MORC2: variants seen among roughly 807,000 people sequenced by gnomAD.
The protein encoded by MORC2 is ATPase MORC2.
Under a neutral mutation model 136.0 loss-of-function variants are expected in MORC2, and 30 were observed. The ratio of observed to expected loss-of-function variants is 0.22; its 90% CI spans 0.17 to 0.30. MORC2 has a LOEUF of 0.30. Among genes scored for constraint, MORC2 ranks in the 10% least tolerant of loss-of-function variants. The pLI is 1.00. For synonymous variants in MORC2, 439 were observed against 487.0 expected (o/e 0.90, Z 1.30); for missense variants, 922 against 1,333.1 (o/e 0.69, Z 4.80).
intron 12 of MORC2, among the ~76,000 whole-genome samples, chr22:30,938,553 A>G (rs2040692277): frequency 6.6e-6 from 1 of 152,144 alleles, no homozygotes; most frequent in South Asian, 2.1e-4. Flanking sequence ...CCAAAATTCC[A>G]CTAGTATGAT....
At chr22:30,946,625 C>T (rs1383949703) in intron 5 of MORC2, among the ~76,000 whole-genome samples, 176 bp from the exon 6 acceptor site, 1 of 151,788 alleles carries the variant, frequency 6.6e-6, no homozygotes, top group Non-Finnish European at 1.5e-5. Context: ...CTCCATCCCC[C>T]AACACTCCTT....
rs2040730034 is a variant in MORC2 at position 30,940,676 on chromosome 22, T to G, written c.904+82A>C. 4 of 1,280,538 alleles carry G rather than the reference T, an allele frequency of 3.1e-6. No homozygotes were observed. In the Admixed American group the frequency reaches 6.7e-5, roughly 22 times the overall value. 79.3% of individuals were successfully genotyped at this position (1,280,538 alleles called of 1,614,324 possible). A position where few individuals can be genotyped will look rare whatever the true frequency, so the allele number is the denominator to read the frequency against. ...TTGTCCCTGAGTTGTGGACTCAGCC[T>G]TTTCCTGGAACCCCACTTTGCCCAC... is the stretch of plus-strand genomic sequence containing the variant. On this transcript the variant is annotated intron_variant, in intron 10 of 25. Coordinates refer to ENST00000397641, the MANE Select transcript of MORC2 (RefSeq NM_001303256.3).
chr22:30,928,493 T>C (rs1282573790), intron 24 of MORC2, among the ~76,000 whole-genome samples: 3 of 152,182 alleles, frequency 2.0e-5, no homozygotes, highest in African/African-American at 7.2e-5. Flanking sequence ...GGGCGATTCT[T>C]ACCATTCCAA....
chr22:30,950,337 G>GGGGGGGGGGGCC, intron 4 of MORC2, 40 bp downstream of exon 4: 1 of 761,768 alleles, frequency 1.3e-6, no homozygotes, highest in Non-Finnish European at 2.3e-6. Flanking sequence ...TGGTTACATC[G>GGGGGGGGGGGCC]CACCCCCCCA....
chr22:30,935,088 G>T lies in MORC2; in HGVS notation c.1886C>A (p.Pro629His), dbSNP rs745722246. 6.2e-7 allele frequency: 1 copy of T among 1,613,856 alleles called. No homozygotes were observed. The highest frequency in any genetic ancestry group is 1.3e-5 in the African/African-American group (1 of 74,954). Residue 629 changes from proline to histidine, a missense_variant, in exon 19 of 26, where the codon CCC becomes CAC. This residue lies in a region of MORC2 where 184 missense variants were observed against 180.3 expected (regional missense o/e 1.02). Transcript: ENST00000397641. The part of the protein sequence containing the change: ...PAVIRNAPSR[P>H]PSLPTPRPAS... ...TGGTCTAGGAGTTGGCAAAGAAGGG[G>T]GTCTGCTGGGGGCGTTCCTGATCAC...
Position 30,967,915 on chromosome 22 carries a change from C to T in MORC2, c.-26G>A, listed in dbSNP as rs2041153615. ...GACTGCAATAAGGTCTCCAGCCCTT[C>T]ACCCGCTAACTGGGAAATATAACCT... On this transcript the variant is annotated 5_prime_UTR_variant, in exon 1 of 26. Coordinates refer to ENST00000397641, the MANE Select transcript of MORC2 (RefSeq NM_001303256.3). The T allele has an allele frequency of 2.7e-5, 40 of 1,481,018 alleles. No homozygotes were observed. The highest frequency in any genetic ancestry group is 3.7e-5 in the Non-Finnish European group (40 of 1,083,448). 91.7% of individuals were successfully genotyped at this position (1,481,018 alleles called of 1,614,324 possible). A position where few individuals can be genotyped will look rare whatever the true frequency, so the allele number is the denominator to read the frequency against.
At chr22:30,944,217 G>GA (rs1196605708) in intron 6 of MORC2, among the ~76,000 whole-genome samples, 2 of 152,054 alleles carry the variant, frequency 1.3e-5, no homozygotes, top group African/African-American at 4.8e-5. Context: ...ACCAAGTAAG[G>GA]AAAAAATCTC....
rs776235856 is a variant in MORC2, at chr22:30,934,312, G to A, written c.2194-121C>T. 1.2e-5 allele frequency: 17 copies of A among 1,397,576 alleles called. No homozygotes were observed. The highest frequency in any genetic ancestry group is 1.5e-5 in the Non-Finnish European group (16 of 1,035,816). 86.6% of individuals were successfully genotyped at this position (1,397,576 alleles called of 1,614,324 possible). A position where few individuals can be genotyped will look rare whatever the true frequency, so the allele number is the denominator to read the frequency against. ...GCTGTACTCCCTGCAATCCCTGCCTGACATTACTTGGAATGTACACAGGCA... is the reference window on the plus strand; with the variant it reads ...GCTGTACTCCCTGCAATCCCTGCCTAACATTACTTGGAATGTACACAGGCA... On this transcript the variant is annotated intron_variant, in intron 19 of 25. Transcript: ENST00000397641. This position sits in a 1 kb window ranked among gnomAD's most constrained non-coding sequence, Gnocchi z 4.4.
intron 6 of MORC2, among the ~76,000 whole-genome samples, chr22:30,945,545 G>A (rs925288143): frequency 6.6e-6 from 1 of 152,206 alleles, no homozygotes; most frequent in Non-Finnish European, 1.5e-5. Context: ...TAGGAAAGGA[G>A]ATAAGAGTCC....
Position 30,949,751 on chromosome 22 carries a change from C to T in MORC2, c.317+1G>A. 1 of 1,613,444 alleles carries T rather than the reference C, an allele frequency of 6.2e-7. No individual in the cohort carries two copies. The highest frequency in any genetic ancestry group is 8.5e-7 in the Non-Finnish European group (1 of 1,179,396). On this transcript the variant is annotated splice_donor_variant, in intron 5 of 25. Coordinates refer to ENST00000397641, the MANE Select transcript of MORC2 (RefSeq NM_001303256.3). LOFTEE classifies it high-confidence loss of function. The stretch of plus-strand genomic sequence containing the variant: ...CTGTGACAAGCTTCTAATATACCTA[C>T]GATTTTAACCCATTCCCGTACTGCC...
At chr22:30,949,291 G>C (rs2147283526) in intron 5 of MORC2, among the ~76,000 whole-genome samples, 1 of 152,254 alleles carries the variant, frequency 6.6e-6, no homozygotes, top group East Asian at 1.9e-4. Flanking sequence ...AGCATCCTCT[G>C]GGACGGAGGG....
intron 1 of MORC2, among the ~76,000 whole-genome samples, chr22:30,960,540 G>A (rs887692202): frequency 1.3e-5 from 2 of 152,036 alleles, no homozygotes; most frequent in African/African-American, 4.8e-5. Flanking sequence ...CCAGGCTGGA[G>A]TGCAATGGCG....
At chr22:30,967,024 T>G (rs2041138523) in intron 1 of MORC2, 1 of 902,350 alleles carries the variant, frequency 1.1e-6, no homozygotes, top group Non-Finnish European at 1.3e-6. Context: ...TTCATGTAGC[T>G]GCTCATCTCC....
At chr22:30,940,614 C>G (rs2040728826) in intron 10 of MORC2, 144 bp downstream of exon 10, 3 of 712,132 alleles carry the variant, frequency 4.2e-6, no homozygotes, top group Non-Finnish European at 7.6e-6. Context: ...GTGAAAGGGG[C>G]TGCAAAGGAA....
chr22:30,950,339 A>AAGCCCCC, intron 4 of MORC2, 38 bp downstream of exon 4: 1 of 539,982 alleles, frequency 1.9e-6, no homozygotes, highest in South Asian at 1.7e-5. Flanking sequence ...GTTACATCGC[A>AAGCCCCC]CCCCCCCACC....
chr22:30,933,079 T>G (rs754006190), intron 21 of MORC2, 49 bp from the exon 22 acceptor site: 21 of 1,606,868 alleles, frequency 1.3e-5, no homozygotes, highest in Non-Finnish European at 8.5e-7. Context: ...GTAGAGTCCC[T>G]CACTTGGCCT....
chr22:30,965,322 T>C (rs1341148758), intron 1 of MORC2, among the ~76,000 whole-genome samples: 2 of 152,254 alleles, frequency 1.3e-5, no homozygotes, highest in Non-Finnish European at 2.9e-5. Context: ...TCTCTGAAGA[T>C]GACTTACTGA....
intron 1 of MORC2, chr22:30,967,105 A>G (rs1759192348): frequency 5.1e-6 from 5 of 985,236 alleles, no homozygotes; most frequent in South Asian, 4.7e-5. Context: ...TTAAAACACT[A>G]AAGTTTTGAC....
chr22:30,938,569 A>T (rs1602486690), intron 12 of MORC2, among the ~76,000 whole-genome samples: 1 of 152,252 alleles, frequency 6.6e-6, no homozygotes, highest in South Asian at 2.1e-4. Context: ...ATGATAGTAA[A>T]TTATTATAAT....
Sources: allele counts gnomAD v4.1 joint callset (sites outside exome capture counted in the v4.1 genomes callset), GRCh38; gene constraint gnomAD v4.1.1; regional missense constraint gnomAD v4.1.1; non-coding constraint Gnocchi (gnomAD v3.1); transcripts MANE v1.5; gene names NCBI Gene and HGNC (gene_info 2026-07-23, HGNC 2026-07-21).